The following LUZP2 variants were observed in gnomAD, a reference collection of about 807,000 sequenced individuals.
LUZP2 encodes the protein leucine zipper protein 2.
LUZP2 carries 52 observed loss-of-function variants against 51.6 expected under a neutral mutation model. That is an observed-to-expected ratio of 1.01 (90% confidence interval 0.81 to 1.27). The LOEUF (loss-of-function observed/expected upper bound fraction) is 1.27. Among genes scored for constraint, LUZP2 ranks in the 50% most tolerant of loss-of-function variants. The pLI is 0.00. For synonymous variants in LUZP2, 154 were observed against 137.3 expected (o/e 1.12, Z -0.85); for missense variants, 436 against 395.4 (o/e 1.10, Z -0.87).
intron 5 of LUZP2, among the ~76,000 whole-genome samples, chr11:24,879,031 A>G (rs2403989): frequency 0.49 from 73,807 of 151,796 alleles, 18,412 homozygotes; most frequent in East Asian, 0.69. Context: ...CAGTGGCTCA[A>G]TCTCAGCTCA....
intron 5 of LUZP2, among the ~76,000 whole-genome samples, chr11:24,853,378 A>G (rs758135298): frequency 6.6e-6 from 1 of 151,602 alleles, no homozygotes; most frequent in African/African-American, 2.4e-5. Context: ...TTGATCTTCA[A>G]TCTCTGATAT....
rs898593825 is a variant in LUZP2, at chr11:25,082,225, T to C, written c.*3567T>C. On this transcript the variant is annotated 3_prime_UTR_variant, in exon 12 of 12. Transcript: ENST00000336930. ...CATAGTGCTGTTTCAGATACAGATC[T>C]GTTTCATCAAATATCCTCAATTACA... 2.0e-5 allele frequency: 3 copies of C among 152,654 alleles called. No individual in the cohort carries two copies. The highest frequency in any genetic ancestry group is 7.2e-5 in the African/African-American group (3 of 41,466). The allele number at this position is 152,654 out of a possible 1,614,324, so 9.5% of individuals were successfully genotyped here.
intron 5 of LUZP2, among the ~76,000 whole-genome samples, chr11:24,799,971 T>C (rs899325300): frequency 3.3e-5 from 5 of 152,204 alleles, no homozygotes; most frequent in African/African-American, 4.8e-5. Flanking sequence ...TTAATTCTTT[T>C]AGCTAAAGGA....
rs149421015 is a variant in LUZP2 at position 24,923,090 on chromosome 11, C to T, written c.522+8552C>T. ...GTCTCGATCTCCTGACCTCGTGATCCGCCTGCTTCGGCCTCCCAAAGTTCT... is the reference window on the plus strand; with the variant it reads ...GTCTCGATCTCCTGACCTCGTGATCTGCCTGCTTCGGCCTCCCAAAGTTCT... On this transcript the variant is annotated intron_variant, in intron 7 of 11. Coordinates refer to ENST00000336930, the MANE Select transcript of LUZP2 (RefSeq NM_001009909.4). 6.3e-3 allele frequency among the ~76,000 whole-genome samples: 955 copies of T among 151,674 alleles called. 18 individuals are homozygous for T. Among genetic ancestry groups the T allele is most frequent in the East Asian group, 0.06 (301 of 5,042 alleles).
At chr11:24,836,300 A>G (rs1850858147) in intron 5 of LUZP2, among the ~76,000 whole-genome samples, 1 of 151,948 alleles carries the variant, frequency 6.6e-6, no homozygotes. Context: ...ACTGTTTTTA[A>G]TATTATAAAT....
intron 5 of LUZP2, among the ~76,000 whole-genome samples, chr11:24,775,703 T>G (rs1377956421): frequency 6.6e-6 from 1 of 152,128 alleles, no homozygotes; most frequent in Non-Finnish European, 1.5e-5. Context: ...TAGACGTGAC[T>G]CAGTTGAAAC....
chr11:24,822,410 G>T (rs150869625), intron 5 of LUZP2, among the ~76,000 whole-genome samples: 5 of 152,020 alleles, frequency 3.3e-5, no homozygotes, highest in Non-Finnish European at 7.4e-5. Flanking sequence ...CTTTTGTGAC[G>T]TATTCTCATC....
intron 5 of LUZP2, among the ~76,000 whole-genome samples, chr11:24,773,834 G>A (rs1848825130): frequency 6.6e-6 from 1 of 152,090 alleles, no homozygotes; most frequent in Admixed American, 6.5e-5. Context: ...CTCTAGCATG[G>A]TCATCTCCCA....
At chr11:25,012,350 C>A (rs1857011685) in intron 9 of LUZP2, among the ~76,000 whole-genome samples, 1 of 152,194 alleles carries the variant, frequency 6.6e-6, no homozygotes, top group African/African-American at 2.4e-5. Flanking sequence ...TTCTCCCAAA[C>A]TCCCCACACT....
chr11:25,027,729 G>A lies in LUZP2; in HGVS notation c.766-22309G>A, dbSNP rs569596013. Among the ~76,000 whole-genome samples the A allele has an allele frequency of 2.0e-4, 30 of 152,092 alleles. No homozygotes were observed. The South Asian group carries it at 4.0e-3, about 20-fold the overall frequency. On this transcript the variant is annotated intron_variant, in intron 9 of 11. Transcript: ENST00000336930. ...TACTAAAAATAAAAAAATTAGCCGG[G>A]CGTGGTGGTGGGTGCCTGTTAATCC...
intron 7 of LUZP2, among the ~76,000 whole-genome samples, chr11:24,956,349 G>T (rs1051773825): frequency 6.6e-6 from 1 of 152,020 alleles, no homozygotes; most frequent in African/African-American, 2.4e-5. Flanking sequence ...CTGACACCTT[G>T]ACTTTGGCCC....
chr11:24,864,442 G>A (rs1851827469), intron 5 of LUZP2, among the ~76,000 whole-genome samples: 1 of 152,088 alleles, frequency 6.6e-6, no homozygotes, highest in Admixed American at 6.6e-5. Context: ...AATAAATAAA[G>A]GCTGTGATAA....
chr11:25,062,808 G>T (rs1450165039), intron 10 of LUZP2, among the ~76,000 whole-genome samples: 2 of 151,094 alleles, frequency 1.3e-5, no homozygotes, highest in Non-Finnish European at 3.0e-5. Flanking sequence ...TATGCTACCA[G>T]ATTAAGCATT....
chr11:24,689,362 C>T (rs1856997720), intron 1 of LUZP2, among the ~76,000 whole-genome samples: 1 of 152,130 alleles, frequency 6.6e-6, no homozygotes, highest in African/African-American at 2.4e-5. Context: ...TTTTCTCTTA[C>T]CAATTGAGCA....
intron 1 of LUZP2, among the ~76,000 whole-genome samples, chr11:24,527,208 A>T (rs540383920): frequency 3.3e-5 from 5 of 151,326 alleles, no homozygotes; most frequent in Non-Finnish European, 7.4e-5. Context: ...TTCCTCTCTC[A>T]ATATGGTTTA....
At chr11:24,784,073 T>G (rs1307341437) in intron 5 of LUZP2, among the ~76,000 whole-genome samples, 2 of 151,948 alleles carry the variant, frequency 1.3e-5, no homozygotes, top group East Asian at 3.9e-4. Context: ...GAGTTTGGAC[T>G]ATTGATGCAT....
At chr11:24,817,590 T>C (rs1160383203) in intron 5 of LUZP2, among the ~76,000 whole-genome samples, 1 of 152,008 alleles carries the variant, frequency 6.6e-6, no homozygotes, top group African/African-American at 2.4e-5. Flanking sequence ...AAATGATGAA[T>C]ACAAGTTCTT....
At chr11:24,773,419 G>A (rs925152087) in intron 5 of LUZP2, among the ~76,000 whole-genome samples, 1 of 152,170 alleles carries the variant, frequency 6.6e-6, no homozygotes, top group Non-Finnish European at 1.5e-5. Context: ...TTAAGTAGCA[G>A]AGTTTATTGG....
At chr11:24,696,862 A>G (rs1857265661) in intron 1 of LUZP2, among the ~76,000 whole-genome samples, 1 of 152,202 alleles carries the variant, frequency 6.6e-6, no homozygotes, top group South Asian at 2.1e-4. Flanking sequence ...TTGATGAGAT[A>G]ATTCCCATAC....
Sources: gnomAD v4.1 joint callset for allele counts (sites outside exome capture counted in the v4.1 genomes callset) on GRCh38, gnomAD v4.1.1 for gene constraint, MANE v1.5 for transcripts, NCBI Gene and HGNC (gene_info 2026-07-23, HGNC 2026-07-21) for gene names.